The following EDARADD variants were observed in gnomAD, a reference collection of about 807,000 sequenced individuals.
EDARADD encodes the protein ectodysplasin-A receptor-associated adapter protein.
A neutral mutation model predicts 25.6 loss-of-function variants in EDARADD; 20 were observed. The ratio of observed to expected loss-of-function variants is 0.78; its 90% CI spans 0.55 to 1.14. The LOEUF is 1.14. Ranked by LOEUF, EDARADD falls within the 50% of genes most tolerant of loss-of-function variation. The pLI, the probability that EDARADD is intolerant of heterozygous loss-of-function variation, is 0.00. For missense variants in EDARADD, 225 were observed against 270.1 expected (o/e 0.83, Z 1.17); for synonymous variants, 86 against 94.4 (o/e 0.91, Z 0.52).
At chr1:236,405,870 C>CTTTCTTTCTTTCT (rs1558112769) in intron 1 of EDARADD, among the ~76,000 whole-genome samples, 2 of 37,536 alleles carry the variant, frequency 5.3e-5, no homozygotes, top group African/African-American at 2.4e-4. Context: ...TCCTTCCTTC[C>CTTTCTTTCTTTCT]TTCCTTCTTT....
intron 4 of EDARADD, among the ~76,000 whole-genome samples, chr1:236,452,830 C>T (rs1050060396): frequency 6.6e-6 from 1 of 152,140 alleles, no homozygotes; most frequent in South Asian, 2.1e-4. Flanking sequence ...ATCAAAACTC[C>T]TATGACACTA....
At chr1:236,462,107 GA>G (rs1368399633) in intron 4 of EDARADD, among the ~76,000 whole-genome samples, 1 of 152,168 alleles carries the variant, frequency 6.6e-6, no homozygotes, top group Non-Finnish European at 1.5e-5. Flanking sequence ...ACCGTGCCAA[GA>G]GTGGATTGGT....
chr1:236,456,648 C>T (rs988186451), intron 4 of EDARADD, among the ~76,000 whole-genome samples: 2 of 152,078 alleles, frequency 1.3e-5, no homozygotes, highest in Admixed American at 6.6e-5. Flanking sequence ...GATCATGTCA[C>T]CGCTGGGAAC....
upstream of EDARADD, among the ~76,000 whole-genome samples, chr1:236,389,841 A>T (rs1667399113): frequency 1.3e-5 from 2 of 152,062 alleles, no homozygotes; most frequent in Non-Finnish European, 2.9e-5. Flanking sequence ...TGTCTCTACA[A>T]AAAATAAAAA....
At chr1:236,393,364 T>C (rs1394995812), upstream of EDARADD, among the ~76,000 whole-genome samples, 3 of 150,850 alleles carry the variant, frequency 2.0e-5, no homozygotes, top group Non-Finnish European at 4.4e-5. Flanking sequence ...ATGTTAAAAA[T>C]GTCCATTTTC....
chr1:236,399,401 G>GA (rs1438501979), intron 1 of EDARADD, among the ~76,000 whole-genome samples: 2 of 152,052 alleles, frequency 1.3e-5, no homozygotes, highest in African/African-American at 4.8e-5. Context: ...TGGCCAGGCT[G>GA]GCCTGGAACC....
At chr1:236,372,479 T>G (rs1025582885) in intron 3 of EDARADD, among the ~76,000 whole-genome samples, 14 of 152,332 alleles carry the variant, frequency 9.2e-5, no homozygotes, top group African/African-American at 3.4e-4. Flanking sequence ...GCTAATATTT[T>G]GTTGAGTATT....
chr1:236,369,332 G>A (rs544207117), intron 3 of EDARADD, among the ~76,000 whole-genome samples: 1 of 152,270 alleles, frequency 6.6e-6, no homozygotes, highest in South Asian at 2.1e-4. Context: ...TTGCCCATGA[G>A]CATGAAATAT....
At chr1:236,385,175 G>A (rs866466287) in intron 3 of EDARADD, among the ~76,000 whole-genome samples, 2 of 148,592 alleles carry the variant, frequency 1.3e-5, no homozygotes, top group Non-Finnish European at 3.0e-5. Flanking sequence ...TTGGGAGGCC[G>A]AGGTGGGCAG....
At chr1:236,369,570 G>A (rs541060689) in intron 3 of EDARADD, among the ~76,000 whole-genome samples, 26 of 152,240 alleles carry the variant, frequency 1.7e-4, no homozygotes, top group African/African-American at 6.0e-4. Context: ...GGCCAGGTGC[G>A]GTGGCTCATG....
intron 3 of EDARADD, among the ~76,000 whole-genome samples, chr1:236,360,660 C>T (rs1431004185): frequency 6.6e-6 from 1 of 151,552 alleles, no homozygotes; most frequent in Non-Finnish European, 1.5e-5. Flanking sequence ...CCACTTCCAC[C>T]TCAGCCTCTC....
chr1:236,464,194 T>A (rs1024924368), intron 4 of EDARADD, among the ~76,000 whole-genome samples: 1 of 151,232 alleles, frequency 6.6e-6, no homozygotes, highest in African/African-American at 2.4e-5. Flanking sequence ...GCTCGTCTAC[T>A]CCTCACCAAA....
chr1:236,396,594 AGT>A (rs1489027306), intron 1 of EDARADD, among the ~76,000 whole-genome samples: 3 of 152,150 alleles, frequency 2.0e-5, no homozygotes, highest in Non-Finnish European at 4.4e-5. Flanking sequence ...AAAAGGAGAC[AGT>A]GTGTCTGCAG....
chr1:236,385,643 G>C (rs1464641615), intron 3 of EDARADD, among the ~76,000 whole-genome samples: 1 of 151,920 alleles, frequency 6.6e-6, no homozygotes, highest in African/African-American at 2.4e-5. Context: ...AGAATTACTT[G>C]AGCCCAGGAG....
intron 4 of EDARADD, among the ~76,000 whole-genome samples, chr1:236,429,670 C>T (rs373622590): frequency 1.3e-5 from 2 of 152,012 alleles, no homozygotes; most frequent in African/African-American, 4.8e-5. Flanking sequence ...CAGGCTTGAG[C>T]CACTGCACCT....
chr1:236,418,593 C>A (rs561064209), intron 3 of EDARADD, among the ~76,000 whole-genome samples: 1 of 152,306 alleles, frequency 6.6e-6, no homozygotes, highest in South Asian at 2.1e-4. Context: ...GGAACTTGAA[C>A]TTAAATATAG....
intron 5 of EDARADD, among the ~76,000 whole-genome samples, chr1:236,473,329 T>A (rs944025771): frequency 2.6e-5 from 4 of 151,732 alleles, no homozygotes; most frequent in Admixed American, 6.6e-5. Flanking sequence ...CCCGTGGAGA[T>A]CTAAGACAGG....
intron 4 of EDARADD, among the ~76,000 whole-genome samples, chr1:236,463,489 CA>C (rs1659095054): frequency 6.6e-6 from 1 of 152,176 alleles, no homozygotes. Flanking sequence ...TGCGGGGTTT[CA>C]CCATGTTAGC....
At chr1:236,425,147 C>T (rs1423611068) in intron 3 of EDARADD, among the ~76,000 whole-genome samples, 2 of 152,200 alleles carry the variant, frequency 1.3e-5, no homozygotes, top group South Asian at 2.1e-4. Flanking sequence ...GGACATTAAA[C>T]CCACTATGGC....
Sources: gnomAD v4.1 joint callset for allele counts (sites outside exome capture counted in the v4.1 genomes callset) on GRCh38, gnomAD v4.1.1 for gene constraint, MANE v1.5 for transcripts, NCBI Gene and HGNC (gene_info 2026-07-23, HGNC 2026-07-21) for gene names.